The following SORBS2 variants were observed in gnomAD, a reference collection of about 807,000 sequenced individuals.
SORBS2 encodes the protein sorbin and SH3 domain-containing protein 2.
Under a neutral mutation model 97.7 loss-of-function variants are expected in SORBS2, and 46 were observed. The ratio of observed to expected loss-of-function variants is 0.47; its 90% CI spans 0.37 to 0.60. SORBS2 has a LOEUF of 0.60. Ranked by LOEUF, SORBS2 falls within the 20% of genes least tolerant of loss-of-function variation. SORBS2 has a pLI of 0.00. For synonymous variants in SORBS2, 476 were observed against 473.4 expected, an observed-to-expected ratio of 1.01 and a Z score of -0.07; for missense variants, 1,316 against 1,282.3, an observed-to-expected ratio of 1.03 and a Z score of -0.40.
chr4:185,767,610 AG>A (rs2098944204), intron 2 of SORBS2, among the ~76,000 whole-genome samples: 1 of 152,084 alleles, frequency 6.6e-6, no homozygotes, highest in East Asian at 1.9e-4. Context: ...ATAAAATTAT[AG>A]GTGCAATTAT....
At chr4:185,893,387 T>C (rs2099243419) in intron 1 of SORBS2, among the ~76,000 whole-genome samples, 1 of 152,216 alleles carries the variant, frequency 6.6e-6, no homozygotes, top group South Asian at 2.1e-4. Context: ...AGCTGCTTCC[T>C]GGGCTGGAGC....
rs2096411100 is a variant in SORBS2, at chr4:185,606,065, T to C, written c.2796+5715A>G. The C allele has an allele frequency of 1.0e-6, 1 of 984,406 alleles. No individual in the cohort carries two copies. The highest frequency in any genetic ancestry group is 6.1e-5 in the Admixed American group (1 of 16,272). 61.0% of individuals were successfully genotyped at this position (984,406 alleles called of 1,614,324 possible). A position where few individuals can be genotyped will look rare whatever the true frequency, so the allele number is the denominator to read the frequency against. On this transcript the variant is annotated intron_variant, in intron 12 of 14. Transcript: ENST00000418609. The surrounding 1 kb of genome is among the most constrained non-coding windows in gnomAD (Gnocchi z 4.3). ...GGACAGAAGTGCTGTTTTTCTTTTC[T>C]GTTGTCTTTGTTTATTATTAGCATT...
chr4:185,594,146 A>G (rs2096027598), intron 12 of SORBS2: 1 of 552,058 alleles, frequency 1.8e-6, no homozygotes, highest in Non-Finnish European at 3.2e-6. Context: ...AAGCAAGGTC[A>G]AATGTTTTGA....
At chr4:185,815,218 T>C (rs2099192554) in intron 1 of SORBS2, among the ~76,000 whole-genome samples, 1 of 152,246 alleles carries the variant, frequency 6.6e-6, no homozygotes, top group South Asian at 2.1e-4. Context: ...GAACATCTTT[T>C]CATTGTTGAT....
At chr4:185,650,784 G>A (rs1301894733) in intron 2 of SORBS2, among the ~76,000 whole-genome samples, 1 of 152,170 alleles carries the variant, frequency 6.6e-6, no homozygotes, top group East Asian at 1.9e-4. Flanking sequence ...CGTGGGAGCA[G>A]GGATGAAATT....
intron 2 of SORBS2, among the ~76,000 whole-genome samples, chr4:185,754,962 A>G (rs992777551): frequency 6.6e-6 from 1 of 152,208 alleles, no homozygotes; most frequent in African/African-American, 2.4e-5. Context: ...TGTGCCCAGG[A>G]GGAAGGGAAA....
chr4:185,852,141 A>C (rs1043454299), intron 1 of SORBS2, among the ~76,000 whole-genome samples: 5 of 152,204 alleles, frequency 3.3e-5, no homozygotes, highest in African/African-American at 9.7e-5. Flanking sequence ...TGGAGTCAAC[A>C]CAGCTACAGG....
At chr4:185,680,906 A>C (rs1055219340) in intron 2 of SORBS2, among the ~76,000 whole-genome samples, 7 of 152,028 alleles carry the variant, frequency 4.6e-5, no homozygotes, top group Non-Finnish European at 1.0e-4. Context: ...GAGGACAGTC[A>C]CTCCAGGCTC....
rs548391221 is a variant in SORBS2 at position 185,862,101 on chromosome 4, A to G, written c.-337-86735T>C. ...GCAGAGGAAGAAAATTTCCAGAAAC[A>G]CTATACAAATTGAATAAAAAACAGT... On this transcript the variant is annotated intron_variant, in intron 1 of 20. Transcript: ENST00000284776. 8.5e-5 allele frequency among the ~76,000 whole-genome samples: 13 copies of G among 152,290 alleles called. No individual in the cohort carries two copies. The East Asian group carries it at 2.3e-3, about 27-fold the overall frequency.
At chr4:185,800,072 T>C (rs1163341594) in intron 1 of SORBS2, among the ~76,000 whole-genome samples, 3 of 152,178 alleles carry the variant, frequency 2.0e-5, no homozygotes, top group Non-Finnish European at 4.4e-5. Context: ...TGCACGCCTG[T>C]AATCCTAGCT....
chr4:185,913,448 G>A (rs543092998), intron 1 of SORBS2, among the ~76,000 whole-genome samples: 99 of 152,258 alleles, frequency 6.5e-4, no homozygotes, highest in Admixed American at 2.4e-3. Context: ...CAAAGGATTC[G>A]CTGAGTGATT....
chr4:185,892,496 T>C (rs914723412), intron 1 of SORBS2, among the ~76,000 whole-genome samples: 2 of 152,178 alleles, frequency 1.3e-5, no homozygotes, highest in African/African-American at 4.8e-5. Flanking sequence ...TTATTCACAA[T>C]AGCCAAAAGG....
chr4:185,634,620 C>G (rs544530836), intron 4 of SORBS2, among the ~76,000 whole-genome samples: 6 of 152,060 alleles, frequency 3.9e-5, no homozygotes, highest in African/African-American at 1.4e-4. Flanking sequence ...TCATTTCTGC[C>G]TGTATCATTC....
At chr4:185,626,482 C>T (rs1246454310) in intron 6 of SORBS2, among the ~76,000 whole-genome samples, 1 of 152,132 alleles carries the variant, frequency 6.6e-6, no homozygotes, top group Non-Finnish European at 1.5e-5. Context: ...GACTAATTTG[C>T]TAGTTGTAGA....
At chr4:185,651,660 C>T in intron 2 of SORBS2, 124 bp downstream of exon 11, 1 of 705,046 alleles carries the variant, frequency 1.4e-6, no homozygotes, top group South Asian at 1.6e-5. Flanking sequence ...GAAAAGAAAT[C>T]CTCCTCCTAA....
chr4:185,861,196 G>T (rs1328583790), intron 1 of SORBS2, among the ~76,000 whole-genome samples: 1 of 152,058 alleles, frequency 6.6e-6, no homozygotes, highest in Non-Finnish European at 1.5e-5. Context: ...AGGTAGGAGG[G>T]TATAAGGAGG....
At chr4:185,920,237 G>A (rs1186469045) in intron 1 of SORBS2, among the ~76,000 whole-genome samples, 1 of 152,132 alleles carries the variant, frequency 6.6e-6, no homozygotes, top group Non-Finnish European at 1.5e-5. Flanking sequence ...ACTCCAACCA[G>A]TTCCCACCAT....
At chr4:185,851,371 G>T (rs183813649) in intron 1 of SORBS2, among the ~76,000 whole-genome samples, 1 of 152,144 alleles carries the variant, frequency 6.6e-6, no homozygotes, top group East Asian at 1.9e-4. Context: ...ATTCTTTTAC[G>T]TTCCTTTAAG....
intron 2 of SORBS2, among the ~76,000 whole-genome samples, chr4:185,746,537 C>T (rs574934148): frequency 1.3e-5 from 2 of 152,232 alleles, no homozygotes; most frequent in Admixed American, 6.5e-5. Context: ...GGCTGGTTCT[C>T]GAACTTCTGA....
Sources: gnomAD v4.1 joint callset for allele counts (sites outside exome capture counted in the v4.1 genomes callset) on GRCh38, gnomAD v4.1.1 for gene constraint, Gnocchi (gnomAD v3.1) non-coding constraint, MANE v1.5 for transcripts, NCBI Gene and HGNC (gene_info 2026-07-23, HGNC 2026-07-21) for gene names.